EPB41: variants seen among roughly 807,000 people sequenced by gnomAD.
The protein encoded by EPB41 is erythrocyte membrane protein band 4.1.
A neutral mutation model predicts 108.0 loss-of-function variants in EPB41; 65 were observed. That is an observed-to-expected ratio of 0.60 (90% confidence interval 0.49 to 0.74). EPB41 has a LOEUF of 0.74. EPB41 is among the 30% of genes least tolerant of loss of function. The probability of loss-of-function intolerance (pLI) is 0.00; values close to 1 mark genes in which losing one functional copy is unlikely to be tolerated. For missense variants in EPB41, 875 were observed against 1,037.0 expected (o/e 0.84, Z 2.15); for synonymous variants, 336 against 358.9 (o/e 0.94, Z 0.72).
At chr1:29,055,995 G>A (rs1645339753) in intron 12 of EPB41, among the ~76,000 whole-genome samples, 1 of 149,822 alleles carries the variant, frequency 6.7e-6, no homozygotes, top group South Asian at 2.1e-4. Context: ...CCAGCACTTT[G>A]GGAGGCCGAG....
chr1:28,998,846 G>T (rs147804130), intron 4 of EPB41, among the ~76,000 whole-genome samples: 153 of 152,270 alleles, frequency 1.0e-3, no homozygotes, highest in African/African-American at 3.5e-3. Flanking sequence ...GTGATGGATA[G>T]TTTGATTCAT....
At chr1:28,919,339 G>T (rs2092906915) in intron 1 of EPB41, among the ~76,000 whole-genome samples, 1 of 152,140 alleles carries the variant, frequency 6.6e-6, no homozygotes, top group South Asian at 2.1e-4. Context: ...TCCCCTACCC[G>T]CTAGCTTCGT....
At chr1:28,964,614 TAAATAAATAAATA>T (rs946717156) in intron 1 of EPB41, among the ~76,000 whole-genome samples, 52 of 151,548 alleles carry the variant, frequency 3.4e-4, no homozygotes, top group African/African-American at 6.8e-4. Flanking sequence ...CTCAAATAAA[TAAATAAATAAATA>T]AAATAAATAA....
chr1:28,929,534 T>C (rs2093625907), intron 1 of EPB41, among the ~76,000 whole-genome samples: 1 of 129,352 alleles, frequency 7.7e-6, no homozygotes, highest in African/African-American at 3.0e-5. Flanking sequence ...CCGGCCAATT[T>C]TTACTATTTT....
chr1:28,908,728 C>A (rs1483084031), intron 1 of EPB41, among the ~76,000 whole-genome samples: 2 of 151,590 alleles, frequency 1.3e-5, no homozygotes, highest in Admixed American at 1.3e-4. Flanking sequence ...CTGTGCCCGG[C>A]CCAAGTATCA....
At chr1:29,098,644 C>T (rs1318317259) in intron 17 of EPB41, among the ~76,000 whole-genome samples, 1 of 152,196 alleles carries the variant, frequency 6.6e-6, no homozygotes, top group Non-Finnish European at 1.5e-5. Flanking sequence ...CACTTACTGA[C>T]TTGGACAAGT....
chr1:29,071,882 G>C (rs562920398), intron 16 of EPB41: 1 of 152,088 alleles, frequency 6.6e-6, no homozygotes, highest in Non-Finnish European at 1.5e-5. Context: ...ATTATACTTT[G>C]TTTTACTTCT....
At chr1:29,084,969 T>G (rs544096176) in intron 16 of EPB41, among the ~76,000 whole-genome samples, 1 of 152,174 alleles carries the variant, frequency 6.6e-6, no homozygotes, top group African/African-American at 2.4e-5. Flanking sequence ...AGAAACACCA[T>G]GTAGGGACTT....
chr1:28,962,357 C>T (rs955823617), intron 1 of EPB41, among the ~76,000 whole-genome samples: 1 of 152,118 alleles, frequency 6.6e-6, no homozygotes, highest in East Asian at 1.9e-4. Flanking sequence ...AGCCACCGCT[C>T]CCGGCCATAA....
chr1:29,068,805 G>A (rs980369701), intron 16 of EPB41: 3 of 1,231,916 alleles, frequency 2.4e-6, no homozygotes, highest in Non-Finnish European at 3.0e-6. Context: ...GTTATGACTT[G>A]TGCTTCTCAA....
chr1:29,049,604 C>T (rs927229383), intron 11 of EPB41, among the ~76,000 whole-genome samples: 1 of 152,150 alleles, frequency 6.6e-6, no homozygotes, highest in African/African-American at 2.4e-5. Flanking sequence ...AAAAGAACCA[C>T]CCTACCGCAT....
chr1:28,972,318 T>C (rs1245229026), intron 1 of EPB41, among the ~76,000 whole-genome samples: 1 of 152,204 alleles, frequency 6.6e-6, no homozygotes, highest in Non-Finnish European at 1.5e-5. Context: ...TCAGTAATCA[T>C]TGATCCAGTA....
intron 1 of EPB41, among the ~76,000 whole-genome samples, chr1:28,892,516 G>A (rs796928313): frequency 3.0e-4 from 46 of 152,226 alleles, no homozygotes; most frequent in African/African-American, 1.0e-3. Flanking sequence ...GAGGTCAGGA[G>A]TTTGAGACCA....
Position 29,064,933 on chromosome 1 carries a change from C to A in EPB41, c.2008-49C>A, listed in dbSNP as rs376126576. On this transcript the variant is annotated intron_variant, in intron 15 of 20. Coordinates refer to ENST00000343067, the MANE Select transcript of EPB41 (RefSeq NM_001376013.1). ...CTGACGGGTTGCCCTTGATTATGTT[C>A]TTTGTCCTGATTGTGTATTGTTTTG... is the stretch of plus-strand genomic sequence containing the variant. 12 of 1,611,552 alleles carry A rather than the reference C, an allele frequency of 7.4e-6. No homozygotes were observed. In the African/African-American group the frequency reaches 9.3e-5, roughly 13 times the overall value.
chr1:28,974,629 T>C (rs1182318100), intron 1 of EPB41, among the ~76,000 whole-genome samples: 1 of 152,134 alleles, frequency 6.6e-6, no homozygotes, highest in African/African-American at 2.4e-5. Flanking sequence ...TGGAGAAGGC[T>C]AAGAGAAGGA....
chr1:28,954,264 T>G (rs2094857823), intron 1 of EPB41, among the ~76,000 whole-genome samples: 1 of 152,218 alleles, frequency 6.6e-6, no homozygotes, highest in South Asian at 2.1e-4. Context: ...CTATTTATCA[T>G]TGTTGTAGAG....
At chr1:28,955,921 A>G (rs1235245143) in intron 1 of EPB41, among the ~76,000 whole-genome samples, 10 of 152,258 alleles carry the variant, frequency 6.6e-5, no homozygotes. Context: ...TTATATAATA[A>G]ACACTATAAC....
At chr1:28,917,615 T>A (rs2092778392) in intron 1 of EPB41, among the ~76,000 whole-genome samples, 3 of 149,864 alleles carry the variant, frequency 2.0e-5, no homozygotes, top group South Asian at 4.3e-4. Context: ...GGATCTTACC[T>A]TGTTGCCCAA....
chr1:28,969,073 A>G (rs1205610063), intron 1 of EPB41, among the ~76,000 whole-genome samples: 1 of 149,870 alleles, frequency 6.7e-6, no homozygotes, highest in African/African-American at 2.5e-5. Flanking sequence ...TGGACATGCA[A>G]TCATGCCGTA....
Sources: gnomAD v4.1 joint callset for allele counts (sites outside exome capture counted in the v4.1 genomes callset) on GRCh38, gnomAD v4.1.1 for gene constraint, MANE v1.5 for transcripts, NCBI Gene and HGNC (gene_info 2026-07-23, HGNC 2026-07-21) for gene names.